The following GLP2R variants were observed in gnomAD, a reference collection of about 807,000 sequenced individuals.
GLP2R encodes the protein glucagon like peptide 2 receptor.
Under a neutral mutation model 68.2 loss-of-function variants are expected in GLP2R, and 59 were observed. The ratio of observed to expected loss-of-function variants is 0.87; its 90% CI spans 0.70 to 1.07. GLP2R has a LOEUF of 1.07. Among genes scored for constraint, GLP2R ranks in the 50% least tolerant of loss-of-function variants. The pLI, the probability that GLP2R is intolerant of heterozygous loss-of-function variation, is 0.00. For missense variants in GLP2R, 548 were observed against 677.4 expected (o/e 0.81, Z 2.12); for synonymous variants, 270 against 265.4 (o/e 1.02, Z -0.17).
chr17:9,847,560 G>A (rs899978805), intron 4 of GLP2R, among the ~76,000 whole-genome samples: 5 of 152,026 alleles, frequency 3.3e-5, no homozygotes, highest in Admixed American at 6.6e-5. Context: ...GAGCCACCGC[G>A]CCCGGCCATC....
intron 5 of GLP2R, among the ~76,000 whole-genome samples, chr17:9,856,009 A>G: frequency 6.6e-6 from 1 of 152,264 alleles, no homozygotes; most frequent in Admixed American, 6.5e-5. Context: ...AGACCTGGAA[A>G]CCAGCTCCAG....
intron 10 of GLP2R, among the ~76,000 whole-genome samples, chr17:9,878,215 T>C (rs1451649868): frequency 1.3e-5 from 2 of 152,196 alleles, no homozygotes; most frequent in African/African-American, 4.8e-5. Context: ...ATTGCCCAGC[T>C]GTAACCAACG....
At chr17:9,844,848 G>A (rs575055384) in intron 4 of GLP2R, among the ~76,000 whole-genome samples, 7 of 150,242 alleles carry the variant, frequency 4.7e-5, no homozygotes, top group East Asian at 2.0e-4. Flanking sequence ...GTGCCACCAC[G>A]CCCGTCTAAT....
rs558700932 is a variant in GLP2R at position 9,882,573 on chromosome 17, A to T, written c.1284+2057A>T. On this transcript the variant is annotated intron_variant, in intron 11 of 12. Transcript: ENST00000262441. ...AGGAAACATGAGGGGGTCTGGTGGAAAGTAAAAGCCAGGGAAGGCTTCAAA... is the reference window on the plus strand; with the variant it reads ...AGGAAACATGAGGGGGTCTGGTGGATAGTAAAAGCCAGGGAAGGCTTCAAA... Among the ~76,000 whole-genome samples, 3 of 145,926 alleles carry T rather than the reference A, an allele frequency of 2.1e-5. No individual in the cohort carries two copies. The South Asian group carries it at 7.0e-4, about 34-fold the overall frequency.
chr17:9,842,084 G>A lies in GLP2R; in HGVS notation c.383-411G>A, dbSNP rs1053065135. On this transcript the variant is annotated intron_variant, in intron 3 of 12. Coordinates refer to ENST00000262441, the MANE Select transcript of GLP2R (RefSeq NM_004246.3). ...CAGGACACACTCATGCATGGATGGC[G>A]CATCCGGCTTCAGCCCCAGTCTGTC... Among the ~76,000 whole-genome samples the A allele has an allele frequency of 5.5e-5, 8 of 144,776 alleles. 1 individual carries two copies. The highest frequency in any genetic ancestry group is 2.2e-4 in the South Asian group (1 of 4,480). The allele number at this position is 144,776 out of a possible 152,430, so 95.0% of individuals were successfully genotyped here. A position where few individuals can be genotyped will look rare whatever the true frequency, so the allele number is the denominator to read the frequency against.
At chr17:9,842,942 A>G (rs940356077) in intron 4 of GLP2R, among the ~76,000 whole-genome samples, 4 of 152,134 alleles carry the variant, frequency 2.6e-5, no homozygotes, top group Non-Finnish European at 4.4e-5. Context: ...GTTCAGTCCA[A>G]ATATCTCCTT....
intron 1 of GLP2R, among the ~76,000 whole-genome samples, chr17:9,832,971 A>T (rs1567716877): frequency 6.6e-6 from 1 of 152,114 alleles, no homozygotes; most frequent in Non-Finnish European, 1.5e-5. Flanking sequence ...ACTTCTCAAG[A>T]ATAGATCCGG....
intron 3 of GLP2R, among the ~76,000 whole-genome samples, chr17:9,841,557 G>A (rs1459688085): frequency 6.6e-6 from 1 of 152,156 alleles, no homozygotes; most frequent in African/African-American, 2.4e-5. Flanking sequence ...GGGTGACTCT[G>A]AAGTTTAGGG....
chr17:9,870,979 G>GCTATAGGATCAA (rs2067087665), intron 10 of GLP2R, 144 bp downstream of exon 10: 1 of 595,646 alleles, frequency 1.7e-6, no homozygotes, highest in Non-Finnish European at 3.0e-6. Context: ...ATAGGATCAA[G>GCTATAGGATCAA]TGAGGCTTTT....
At chr17:9,837,425 A>G (rs1228639342) in intron 3 of GLP2R, among the ~76,000 whole-genome samples, 1 of 152,116 alleles carries the variant, frequency 6.6e-6, no homozygotes, top group Non-Finnish European at 1.5e-5. Context: ...AGTGGGGGTA[A>G]GAATGGCCAC....
In GLP2R at chr17:9,843,216, A is replaced by C. The variant is rs1441782269; in HGVS notation, c.504+600A>C. Among the ~76,000 whole-genome samples, 4 of 152,298 alleles carry C rather than the reference A, an allele frequency of 2.6e-5. No homozygotes were observed. The East Asian group carries it at 7.7e-4, about 29-fold the overall frequency. ...CCCTATTTCCATTCCAAATAGTAAG[A>C]ATGTTAATAAGCCCCCAAAAGGGGA... On this transcript the variant is annotated intron_variant, in intron 4 of 12. Coordinates refer to ENST00000262441, the MANE Select transcript of GLP2R (RefSeq NM_004246.3).
chr17:9,826,349 G>A (rs992402660), intron 1 of GLP2R, 97 bp downstream of exon 1: 13 of 763,466 alleles, frequency 1.7e-5, no homozygotes, highest in South Asian at 2.2e-5. Flanking sequence ...TTGGAAAAGA[G>A]AAAACAGTAT....
Position 9,889,747 on chromosome 17 carries a change from G to A in GLP2R, c.*42G>A. On this transcript the variant is annotated 3_prime_UTR_variant, in exon 13 of 13. Transcript: ENST00000262441. The stretch of plus-strand genomic sequence containing the variant: ...CCTGGCTCTGCTCCCAGGGACTCTT[G>A]AGGGGGCCCAGGAAGAGGAAGCAAA... 7.7e-7 allele frequency: 1 copy of A among 1,300,352 alleles called. No homozygotes were observed. Among genetic ancestry groups the A allele is most frequent in the Non-Finnish European group, 1.1e-6 (1 of 950,148 alleles). The allele number at this position is 1,300,352 out of a possible 1,614,324, so 80.6% of individuals were successfully genotyped here.
chr17:9,887,297 C>T (rs1364727645), intron 11 of GLP2R, among the ~76,000 whole-genome samples: 1 of 151,486 alleles, frequency 6.6e-6, no homozygotes, highest in Non-Finnish European at 1.5e-5. Flanking sequence ...GGAGCCAAGG[C>T]AGGCGGGTCA....
Position 9,860,064 on chromosome 17 carries a change from G to A in GLP2R, c.888G>A (p.Glu296=), listed in dbSNP as rs199908559. The change falls in exon 7 of 13, where the codon GAG becomes GAA. Residue 296 remains glutamate, a synonymous_variant. Transcript: ENST00000262441. ...HTLLEPTVLP[E]RRLWPRYLLL... is the part of the protein sequence containing the mutation. ...TGCTGGAGCCCACAGTGCTTCCTGA[G>A]AGGCGGCTGTGGCCCAGATACCTGC... 1 of 1,612,024 alleles carries A rather than the reference G, an allele frequency of 6.2e-7. No individual in the cohort carries two copies. Among genetic ancestry groups the A allele is most frequent in the East Asian group, 2.2e-5 (1 of 44,788 alleles).
chr17:9,879,282 AAAATAAAAT>A (rs1174942525), intron 10 of GLP2R, among the ~76,000 whole-genome samples: 456 of 30,308 alleles, frequency 0.015, 17 homozygotes, highest in African/African-American at 0.047. Flanking sequence ...AAAATAAAAT[AAAATAAAAT>A]AAATAAAATA....
At chr17:9,884,582 G>C (rs1484159211) in intron 11 of GLP2R, among the ~76,000 whole-genome samples, 4 of 152,172 alleles carry the variant, frequency 2.6e-5, no homozygotes, top group Non-Finnish European at 4.4e-5. Flanking sequence ...GTCAAGTGCT[G>C]AGATTTCGTA....
At chr17:9,862,379 T>C (rs1426384421) in intron 9 of GLP2R, among the ~76,000 whole-genome samples, 2 of 152,198 alleles carry the variant, frequency 1.3e-5, no homozygotes, top group African/African-American at 4.8e-5. Flanking sequence ...TGCAAGGCCC[T>C]GAGGATACCA....
At position 9,860,056 on chromosome 17, in the gene GLP2R, C is replaced by T; in HGVS notation, c.880C>T (p.Leu294Phe). The T allele has an allele frequency of 6.2e-7, 1 of 1,612,752 alleles. No homozygotes were observed. Among genetic ancestry groups the T allele is most frequent in the East Asian group, 2.2e-5 (1 of 44,802 alleles). Reference sequence around the variant, plus strand: ...CCACACGCTGCTGGAGCCCACAGTGCTTCCTGAGAGGCGGCTGTGGCCCAG... The same window carrying T: ...CCACACGCTGCTGGAGCCCACAGTGTTTCCTGAGAGGCGGCTGTGGCCCAG... Reference protein sequence around the residue: ...YLHTLLEPTVLPERRLWPRYL... With the variant: ...YLHTLLEPTVFPERRLWPRYL... Residue 294 changes from leucine to phenylalanine, a missense_variant, in exon 7 of 13, where the codon CTT (leucine) becomes TTT (phenylalanine). Transcript: ENST00000262441.
Sources: gnomAD v4.1 joint callset for allele counts (sites outside exome capture counted in the v4.1 genomes callset) on GRCh38, gnomAD v4.1.1 for gene constraint, MANE v1.5 for transcripts, NCBI Gene and HGNC (gene_info 2026-07-23, HGNC 2026-07-21) for gene names.